Variants in OCA2 observed in about 807,000 individuals in gnomAD.
OCA2 encodes the protein OCA2 melanosomal transmembrane protein.
A neutral mutation model predicts 100.2 loss-of-function variants in OCA2; 77 were observed. That is an observed-to-expected ratio of 0.77 (90% confidence interval 0.64 to 0.93). The LOEUF is 0.93. Ranked by LOEUF, OCA2 falls within the 40% of genes least tolerant of loss-of-function variation. The pLI, the probability that OCA2 is intolerant of heterozygous loss-of-function variation, is 0.00. For missense variants in OCA2, 1,062 were observed against 1,089.1 expected (o/e 0.98, Z 0.35); for synonymous variants, 432 against 439.2 (o/e 0.98, Z 0.21).
intron 19 of OCA2, among the ~76,000 whole-genome samples, chr15:27,896,880 T>C (rs2037714930): frequency 6.7e-6 from 1 of 148,612 alleles, no homozygotes; most frequent in Non-Finnish European, 1.5e-5. Flanking sequence ...GGAAAATGTC[T>C]CCAGGGCATG....
At chr15:27,871,626 T>C (rs561417716) in intron 20 of OCA2, among the ~76,000 whole-genome samples, 1 of 152,286 alleles carries the variant, frequency 6.6e-6, no homozygotes, top group Admixed American at 6.5e-5. Flanking sequence ...TCCCACTCCT[T>C]CTCAGACAGG....
chr15:27,870,514 C>T (rs2036503380), intron 21 of OCA2, among the ~76,000 whole-genome samples: 1 of 152,176 alleles, frequency 6.6e-6, no homozygotes, highest in Non-Finnish European at 1.5e-5. Flanking sequence ...ATGTGTACTT[C>T]CAATCCTGGC....
the OCA2 span, among the ~76,000 whole-genome samples, chr15:27,731,328 A>C: frequency 6.6e-6 from 1 of 152,218 alleles, no homozygotes; most frequent in Non-Finnish European, 1.5e-5. Context: ...TCAGTGAGAA[A>C]ATTACCTGTA....
chr15:28,005,062 G>A (rs1054014223), intron 9 of OCA2, among the ~76,000 whole-genome samples: 1 of 152,116 alleles, frequency 6.6e-6, no homozygotes, highest in African/African-American at 2.4e-5. Flanking sequence ...GCCTCGCACT[G>A]CCCCTGCGAG....
chr15:27,768,000 G>A (rs1168921206), intron 23 of OCA2, among the ~76,000 whole-genome samples: 1 of 152,212 alleles, frequency 6.6e-6, no homozygotes, highest in Non-Finnish European at 1.5e-5. Flanking sequence ...TGGAGGAAGG[G>A]GGAATAGTGT....
intron 8 of OCA2, among the ~76,000 whole-genome samples, chr15:28,015,317 G>A (rs1399732107): frequency 6.6e-6 from 1 of 152,298 alleles, no homozygotes; most frequent in African/African-American, 2.4e-5. Flanking sequence ...ACGCACTACA[G>A]ACGAGAAGCC....
chr15:27,982,440 G>A (rs1302900439), intron 14 of OCA2, among the ~76,000 whole-genome samples: 1 of 152,160 alleles, frequency 6.6e-6, no homozygotes, highest in Non-Finnish European at 1.5e-5. Context: ...ACATGCTCCA[G>A]GGTGGCATGA....
intron 2 of OCA2, among the ~76,000 whole-genome samples, chr15:28,053,143 A>G (rs1360007430): frequency 1.3e-5 from 2 of 152,196 alleles, no homozygotes; most frequent in Non-Finnish European, 2.9e-5. Flanking sequence ...AACTATACTG[A>G]TATCAGAAAA....
rs752864340 is a variant in OCA2, at chr15:27,966,742, T to C, written c.1584A>G (p.Arg528=). 1 of 1,613,650 alleles carries C rather than the reference T, an allele frequency of 6.2e-7. No individual in the cohort carries two copies. Among genetic ancestry groups the C allele is most frequent in the Non-Finnish European group, 8.5e-7 (1 of 1,179,978 alleles). Residue 528 remains arginine (R), a synonymous_variant, in exon 15 of 24, where the codon AGA becomes AGG. Transcript: ENST00000354638. ...AAAGCTTTCTGTTCCAGTAAAGGAG[T>C]CTGAGGAGCGGAAAGCAGACCAGGA... ...LVLLVCFPLL[R]LLYWNRKLYN... is the part of the protein sequence containing the mutation.
chr15:27,867,535 C>T (rs1595542258), intron 21 of OCA2, among the ~76,000 whole-genome samples: 1 of 152,246 alleles, frequency 6.6e-6, no homozygotes, highest in Admixed American at 6.5e-5. Flanking sequence ...GGCAGAGGCT[C>T]AGAGCAGAGA....
rs769320631 is a variant in OCA2, at chr15:28,014,946, C to T, written c.891-17G>A. The T allele has an allele frequency of 1.5e-5, 24 of 1,613,764 alleles. No homozygotes were observed. The highest frequency in any genetic ancestry group is 5.3e-5 in the African/African-American group (4 of 74,916). Reference sequence around the variant, plus strand: ...ACCGTCTCTCTGCAGAACGAAACAACGACCTTACTGTTCACAAGGTCAACA... The same window carrying T: ...ACCGTCTCTCTGCAGAACGAAACAATGACCTTACTGTTCACAAGGTCAACA... On this transcript the variant is annotated splice_polypyrimidine_tract_variant and intron_variant, in intron 8 of 23. Coordinates refer to ENST00000354638, the MANE Select transcript of OCA2 (RefSeq NM_000275.3).
At chr15:28,064,855 GT>G (rs35379533) in intron 2 of OCA2, among the ~76,000 whole-genome samples, 23,500 of 144,656 alleles carry the variant, frequency 0.16, 3,054 homozygotes, top group African/African-American at 0.37. Flanking sequence ...ATGTCTTGGG[GT>G]TTTTTTTTTT....
intron 1 of OCA2, among the ~76,000 whole-genome samples, chr15:28,095,327 C>A (rs1448312093): frequency 2.6e-5 from 4 of 152,208 alleles, no homozygotes; most frequent in African/African-American, 9.6e-5. Flanking sequence ...CCTCCCACCC[C>A]GCCCCTGTGA....
chr15:27,947,670 T>C (rs989932411), intron 18 of OCA2, among the ~76,000 whole-genome samples: 10 of 152,208 alleles, frequency 6.6e-5, no homozygotes, highest in South Asian at 2.1e-4. Flanking sequence ...GAAGGAGCTA[T>C]GACCAATGGG....
intron 1 of OCA2, among the ~76,000 whole-genome samples, chr15:28,082,651 G>A (rs745828266): frequency 6.6e-6 from 1 of 152,188 alleles, no homozygotes; most frequent in Non-Finnish European, 1.5e-5. Context: ...ACACTGTGAT[G>A]TTTTTATTGA....
chr15:28,079,925 T>C lies in OCA2; in HGVS notation c.227+1723A>G, dbSNP rs551322911. The stretch of plus-strand genomic sequence containing the variant: ...TCCTGCCTGGCTGCCCAGGGCCTCC[T>C]GCCTGTGGAGCTCATGACAGGCCCC... On this transcript the variant is annotated intron_variant, in intron 2 of 23. Transcript: ENST00000354638. 4.0e-4 allele frequency among the ~76,000 whole-genome samples: 61 copies of C among 152,338 alleles called. No homozygotes were observed. In the East Asian group the frequency reaches 7.1e-3, roughly 18 times the overall value.
chr15:28,081,769 G>C lies in OCA2; in HGVS notation c.106C>G (p.Arg36Gly). The change falls in exon 2 of 24, where the codon CGC becomes GGC. Residue 36 changes from arginine (R) to glycine (G), a missense_variant. Arg to Gly is a moderately radical substitution (Grantham distance 125). Coordinates refer to ENST00000354638, the MANE Select transcript of OCA2 (RefSeq NM_000275.3). ...CCACCGGCTCCCCGAGGAAGCCTGC[G>C]CTTGCCGGCCACAAGTTCAGCGAGT... ...SGLAELVAGKRRLPRGAGGAD... is the reference protein window; with the variant it reads ...SGLAELVAGKGRLPRGAGGAD... 1 of 1,613,300 alleles carries C rather than the reference G, an allele frequency of 6.2e-7. No homozygotes were observed. Among genetic ancestry groups the C allele is most frequent in the Non-Finnish European group, 8.5e-7 (1 of 1,179,862 alleles).
At chr15:27,829,904 A>G (rs1428114026) in intron 23 of OCA2, among the ~76,000 whole-genome samples, 2 of 152,248 alleles carry the variant, frequency 1.3e-5, no homozygotes, top group Admixed American at 6.5e-5. Flanking sequence ...GGACTATCAC[A>G]CACTATTTCA....
chr15:27,863,113 C>A (rs1041433253), intron 21 of OCA2, among the ~76,000 whole-genome samples: 1 of 151,954 alleles, frequency 6.6e-6, no homozygotes, highest in African/African-American at 2.4e-5. Flanking sequence ...GGAGAGGCCC[C>A]CTGAGGCTGC....
Sources: allele counts gnomAD v4.1 joint callset (sites outside exome capture counted in the v4.1 genomes callset), GRCh38; gene constraint gnomAD v4.1.1; transcripts MANE v1.5; gene names NCBI Gene and HGNC (gene_info 2026-07-23, HGNC 2026-07-21).